MAMDC2: variants seen among roughly 807,000 people sequenced by gnomAD.
MAMDC2 encodes the protein MAM domain-containing protein 2.
MAMDC2 carries 57 observed loss-of-function variants against 89.8 expected under a neutral mutation model. The observed-to-expected ratio is 0.63, with a 90% confidence interval of 0.51 to 0.79. The LOEUF is 0.79. Ranked by LOEUF, MAMDC2 falls within the 30% of genes least tolerant of loss-of-function variation. The pLI is 0.00. For synonymous variants in MAMDC2, 313 were observed against 293.4 expected (o/e 1.07, Z -0.68); for missense variants, 800 against 820.6 (o/e 0.97, Z 0.31).
At chr9:70,129,518 G>A (rs1280333519) in intron 6 of MAMDC2, among the ~76,000 whole-genome samples, 1 of 152,132 alleles carries the variant, frequency 6.6e-6, no homozygotes, top group African/African-American at 2.4e-5. Flanking sequence ...TGATGAAAAT[G>A]GGATTTGAAC....
chr9:70,054,929 A>T (rs547988773), intron 2 of MAMDC2, among the ~76,000 whole-genome samples: 1 of 152,000 alleles, frequency 6.6e-6, no homozygotes, highest in Non-Finnish European at 1.5e-5. Flanking sequence ...AAACAAAAAC[A>T]AGGCCAGGCA....
chr9:70,104,997 C>T (rs1041927186), intron 2 of MAMDC2, among the ~76,000 whole-genome samples: 1 of 148,456 alleles, frequency 6.7e-6, no homozygotes, highest in Non-Finnish European at 1.5e-5. Context: ...ATAAATAAAA[C>T]ATTTTTTTAC....
At chr9:70,187,858 T>C (rs116740884) in intron 11 of MAMDC2, among the ~76,000 whole-genome samples, 1,655 of 152,296 alleles carry the variant, frequency 0.011, 34 homozygotes, top group African/African-American at 0.038. Context: ...TGTGAACAAC[T>C]TTTTCTGTGG....
chr9:70,044,108 G>T lies in MAMDC2; in HGVS notation c.-90G>T. Reference sequence around the variant, plus strand: ...CCCTCCTTGGGTCCCCGGCGCCCCCGCCTCCCACGATCCCTTTCACTAGGA... The same window carrying T: ...CCCTCCTTGGGTCCCCGGCGCCCCCTCCTCCCACGATCCCTTTCACTAGGA... On this transcript the variant is annotated 5_prime_UTR_variant, in exon 1 of 14. Transcript: ENST00000377182. 1 of 1,513,216 alleles carries T rather than the reference G, an allele frequency of 6.6e-7. No individual in the cohort carries two copies. Among genetic ancestry groups the T allele is most frequent in the Non-Finnish European group, 9.1e-7 (1 of 1,095,448 alleles). The allele number at this position is 1,513,216 out of a possible 1,614,324, so 93.7% of individuals were successfully genotyped here. A position where few individuals can be genotyped will look rare whatever the true frequency, so the allele number is the denominator to read the frequency against.
At chr9:70,184,906 A>G (rs1339996743) in intron 11 of MAMDC2, among the ~76,000 whole-genome samples, 1 of 151,936 alleles carries the variant, frequency 6.6e-6, no homozygotes, top group African/African-American at 2.4e-5. Context: ...TTCTCCATCC[A>G]GTTTTGTGCC....
intron 2 of MAMDC2, chr9:70,088,544 G>A (rs1827822022): frequency 6.6e-6 from 1 of 151,848 alleles, no homozygotes; most frequent in Non-Finnish European, 1.5e-5. Context: ...TCACGTAAAT[G>A]AGTGTTTTCC....
chr9:70,127,156 A>G (rs1270402949), intron 6 of MAMDC2, among the ~76,000 whole-genome samples: 5 of 152,222 alleles, frequency 3.3e-5, no homozygotes, highest in Non-Finnish European at 7.3e-5. Flanking sequence ...AGCTACAAGT[A>G]CTTTCAGTAC....
chr9:70,210,166 A>C (rs1036206179), intron 11 of MAMDC2, among the ~76,000 whole-genome samples: 5 of 152,182 alleles, frequency 3.3e-5, no homozygotes, highest in East Asian at 1.9e-4. Flanking sequence ...TGGTGCAGAG[A>C]TGAGTTCAAT....
At position 70,170,646 on chromosome 9, in the gene MAMDC2, G is replaced by A. The variant is rs373738154; in HGVS notation, c.1651+15G>A. Reference sequence around the variant, plus strand: ...TACTGGGGTAGGTGAGTTATGCCACGTGGTGCTGTTTCCTAAGGAAAGCTT... The same window carrying A: ...TACTGGGGTAGGTGAGTTATGCCACATGGTGCTGTTTCCTAAGGAAAGCTT... On this transcript the variant is annotated intron_variant, in intron 11 of 13. Transcript: ENST00000377182. 11 of 1,567,366 alleles carry A rather than the reference G, an allele frequency of 7.0e-6. No individual in the cohort carries two copies. The highest frequency in any genetic ancestry group is 2.0e-4 in the Middle Eastern group (1 of 5,076).
intron 11 of MAMDC2, among the ~76,000 whole-genome samples, chr9:70,215,136 T>C (rs543191737): frequency 1.9e-4 from 29 of 152,006 alleles, no homozygotes; most frequent in Non-Finnish European, 3.8e-4. Context: ...AGAGTGGAAT[T>C]GTGAAAAAAG....
chr9:70,126,233 A>G lies in MAMDC2; in HGVS notation c.718A>G (p.Thr240Ala), dbSNP rs201213036. ...EVAQLISPLT[T>A]APMAGCLSFY... is the part of the protein sequence containing the mutation. ...GGCACAGCTCATCTCCCCGTTGACC[A>G]CGGCCCCCATGGCTGGCTGCCTGTC... Residue 240 changes from threonine (T) to alanine (A), a missense_variant, in exon 6 of 14, where the codon ACG (threonine) becomes GCG (alanine). By Grantham distance (58) the Thr-to-Ala change is moderately conservative. Coordinates refer to ENST00000377182, the MANE Select transcript of MAMDC2 (RefSeq NM_153267.5). 178 of 1,613,772 alleles carry G rather than the reference A, an allele frequency of 1.1e-4. 1 individual carries two copies. Among genetic ancestry groups the G allele is most frequent in the Middle Eastern group, 9.9e-4 (6 of 6,062 alleles).
intron 11 of MAMDC2, among the ~76,000 whole-genome samples, chr9:70,203,034 T>C (rs2033136702): frequency 6.6e-6 from 1 of 152,188 alleles, no homozygotes. Context: ...GTCTTTTAAT[T>C]GGAGCATTTA....
chr9:70,123,811 G>T (rs2030397239), intron 5 of MAMDC2, among the ~76,000 whole-genome samples: 1 of 152,190 alleles, frequency 6.6e-6, no homozygotes, highest in African/African-American at 2.4e-5. Flanking sequence ...GAATGCCAAA[G>T]ATTGCCAGCA....
intron 2 of MAMDC2, among the ~76,000 whole-genome samples, chr9:70,045,058 C>T (rs965523760): frequency 3.3e-5 from 5 of 152,368 alleles, no homozygotes; most frequent in Admixed American, 6.5e-5. Flanking sequence ...TTCTGGTCCT[C>T]AGGAGACATG....
At chr9:70,118,951 T>C (rs923697403) in intron 5 of MAMDC2, among the ~76,000 whole-genome samples, 10 of 152,202 alleles carry the variant, frequency 6.6e-5, no homozygotes, top group Admixed American at 6.5e-5. Context: ...TTAATGAGCA[T>C]TGTTCCCCCA....
intron 2 of MAMDC2, among the ~76,000 whole-genome samples, chr9:70,094,430 A>G (rs1369125974): frequency 6.6e-6 from 1 of 152,204 alleles, no homozygotes; most frequent in East Asian, 1.9e-4. Context: ...CATTTCAACA[A>G]TCTTTTGTGT....
At chr9:70,065,404 AT>A (rs1827241694) in intron 2 of MAMDC2, among the ~76,000 whole-genome samples, 1 of 152,144 alleles carries the variant, frequency 6.6e-6, no homozygotes, top group Non-Finnish European at 1.5e-5. Context: ...ATATGTAAAT[AT>A]TTGGGTAGTT....
intron 2 of MAMDC2, among the ~76,000 whole-genome samples, chr9:70,081,318 T>C (rs1345531945): frequency 6.6e-6 from 1 of 152,106 alleles, no homozygotes; most frequent in Non-Finnish European, 1.5e-5. Context: ...ACAAGAACCG[T>C]CCTGGAGGGG....
At chr9:70,215,493 C>T (rs11142141) in intron 11 of MAMDC2, among the ~76,000 whole-genome samples, 20,426 of 152,224 alleles carry the variant, frequency 0.13, 1,661 homozygotes, top group African/African-American at 0.23. Context: ...AGATCAAAGA[C>T]ACTCCCACAA....
Sources: gnomAD v4.1 joint callset for allele counts (sites outside exome capture counted in the v4.1 genomes callset) on GRCh38, gnomAD v4.1.1 for gene constraint, MANE v1.5 for transcripts, NCBI Gene and HGNC (gene_info 2026-07-23, HGNC 2026-07-21) for gene names.